GRIN2A: variants seen among roughly 807,000 people sequenced by gnomAD.
The protein encoded by GRIN2A is glutamate ionotropic receptor NMDA type subunit 2A, also known as glutamate receptor ionotropic, NMDA 2A.
GRIN2A carries 22 observed loss-of-function variants against 113.4 expected under a neutral mutation model. That is an observed-to-expected ratio of 0.19 (90% CI 0.14 to 0.28). GRIN2A has a LOEUF of 0.28. GRIN2A is among the 10% of genes least tolerant of loss of function. The pLI, the probability that GRIN2A is intolerant of heterozygous loss-of-function variation, is 1.00. For synonymous variants in GRIN2A, 827 were observed against 738.4 expected (o/e 1.12, Z -1.94); for missense variants, 1,502 against 1,887.0 (o/e 0.80, Z 3.78).
chr16:9,990,553 GCGCGCGCGCGCA>G (rs1343844045), intron 2 of GRIN2A, among the ~76,000 whole-genome samples: 34 of 104,172 alleles, frequency 3.3e-4, no homozygotes, highest in East Asian at 1.3e-3. Flanking sequence ...ACACGCGCGC[GCGCGCGCGCGCA>G]CACACACACA....
intron 10 of GRIN2A, among the ~76,000 whole-genome samples, chr16:9,801,582 A>T (rs1903364024): frequency 6.6e-6 from 1 of 152,254 alleles, no homozygotes; most frequent in African/African-American, 2.4e-5. Flanking sequence ...ACCATATTTC[A>T]TGACAGGTCT....
At chr16:9,829,324 G>C in intron 9 of GRIN2A, 99 bp downstream of exon 9, 1 of 764,006 alleles carries the variant, frequency 1.3e-6, no homozygotes, top group African/African-American at 1.7e-5. Flanking sequence ...GTGCATTCGA[G>C]TTGATGGATC....
chr16:9,881,103 G>A (rs1432616889), intron 4 of GRIN2A, among the ~76,000 whole-genome samples: 2 of 152,072 alleles, frequency 1.3e-5, no homozygotes, highest in African/African-American at 4.8e-5. Context: ...TCTGTTGATG[G>A]GACAAATTTT....
chr16:9,774,338 A>G (rs1288482815), intron 11 of GRIN2A, among the ~76,000 whole-genome samples: 1 of 152,218 alleles, frequency 6.6e-6, no homozygotes, highest in Non-Finnish European at 1.5e-5. Flanking sequence ...GATTTTGGGG[A>G]GCACATCCAG....
intron 11 of GRIN2A, among the ~76,000 whole-genome samples, chr16:9,790,324 G>A (rs1420614558): frequency 6.6e-6 from 1 of 152,176 alleles, no homozygotes; most frequent in Non-Finnish European, 1.5e-5. Flanking sequence ...CAGAGAACCT[G>A]GGTTTGAGCC....
chr16:9,994,913 T>C (rs1192959550), intron 2 of GRIN2A, among the ~76,000 whole-genome samples: 1 of 152,158 alleles, frequency 6.6e-6, no homozygotes, highest in African/African-American at 2.4e-5. Context: ...CATCTGGTTT[T>C]AAGGGTTAAC....
chr16:10,026,341 A>G (rs1169923594), intron 2 of GRIN2A, among the ~76,000 whole-genome samples: 1 of 152,090 alleles, frequency 6.6e-6, no homozygotes, highest in Non-Finnish European at 1.5e-5. Context: ...ATAAAATAAA[A>G]TGCTTGGTGC....
At chr16:9,841,142 C>T in intron 5 of GRIN2A, 38 bp from the exon 6 acceptor site, 2 of 1,541,106 alleles carry the variant, frequency 1.3e-6, no homozygotes, top group Non-Finnish European at 1.8e-6. Flanking sequence ...AATGTTAGCA[C>T]TGGAAGGTTT....
chr16:9,942,451 G>T lies in GRIN2A; in HGVS notation c.415-3900C>A, dbSNP rs59117637. Among the ~76,000 whole-genome samples, 1,406 of 152,276 alleles carry T rather than the reference G, an allele frequency of 9.2e-3. 18 individuals carry two copies. Among genetic ancestry groups the T allele is most frequent in the African/African-American group, 0.032 (1,341 of 41,564 alleles). On this transcript the variant is annotated intron_variant, in intron 2 of 12. Coordinates refer to ENST00000330684, the MANE Select transcript of GRIN2A (RefSeq NM_001134407.3). ...CCTGAGTTTCTTTACCTATAAGATAGGAATAATGACCCTTCCATCACATGG... is the reference window on the plus strand; with the variant it reads ...CCTGAGTTTCTTTACCTATAAGATATGAATAATGACCCTTCCATCACATGG...
chr16:10,138,971 C>A (rs557384054), intron 2 of GRIN2A, among the ~76,000 whole-genome samples: 1 of 152,274 alleles, frequency 6.6e-6, no homozygotes, highest in East Asian at 1.9e-4. Flanking sequence ...TATGGGAGTT[C>A]TCCAGTGGGG....
At chr16:9,928,826 C>T (rs17569226) in intron 3 of GRIN2A, among the ~76,000 whole-genome samples, 63,577 of 152,106 alleles carry the variant, frequency 0.42, 13,703 homozygotes, top group African/African-American at 0.44. Context: ...ACTTGACTTG[C>T]CATACTTTCT....
At chr16:9,803,848 A>C (rs2041913058) in intron 10 of GRIN2A, among the ~76,000 whole-genome samples, 1 of 152,220 alleles carries the variant, frequency 6.6e-6, no homozygotes, top group Admixed American at 6.5e-5. Flanking sequence ...TGCTATCCAT[A>C]AGACTTGTAG....
Position 9,758,046 on chromosome 16 carries a change from C to T in GRIN2A, c.*5103G>A, listed in dbSNP as rs372859506. ...CTTGGATCTAATCCTCGCTCTGATA[C>T]TCTCTAACTTGATGATCTTAAACAG... On this transcript the variant is annotated 3_prime_UTR_variant, in exon 13 of 13. Coordinates refer to ENST00000330684, the MANE Select transcript of GRIN2A (RefSeq NM_001134407.3). 2.3e-5 allele frequency: 5 copies of T among 213,252 alleles called. No homozygotes were observed. The East Asian group carries it at 3.5e-4, about 15-fold the overall frequency. The allele number at this position is 213,252 out of a possible 1,614,324, so 13.2% of individuals were successfully genotyped here.
rs145172949 is a variant in GRIN2A, at chr16:9,938,024, G to C, written c.942C>G (p.Pro314=). The C allele has an allele frequency of 1.2e-6, 2 of 1,614,030 alleles. No homozygotes were observed. The highest frequency in any genetic ancestry group is 1.7e-6 in the Non-Finnish European group (2 of 1,179,974). Residue 314 remains proline (P), a synonymous_variant, in exon 3 of 13, where the codon CCC becomes CCG. Transcript: ENST00000330684. ...GCCCGTAGCAGCTGGCCTTGGCCTC[G>C]GGGATGTAGGAGAACTTCTCCAGCA... ...SSMLEKFSYI[P]EAKASCYGQM... is the part of the protein sequence containing the mutation.
At chr16:9,772,547 A>G (rs1183234704) in intron 11 of GRIN2A, among the ~76,000 whole-genome samples, 2 of 152,042 alleles carry the variant, frequency 1.3e-5, no homozygotes, top group East Asian at 1.9e-4. Flanking sequence ...AATTTTTTGT[A>G]TTTTTAGTAG....
chr16:9,927,116 AT>A (rs2044483444), intron 3 of GRIN2A, among the ~76,000 whole-genome samples: 1 of 152,194 alleles, frequency 6.6e-6, no homozygotes, highest in Admixed American at 6.5e-5. Flanking sequence ...ATGATTTTTA[AT>A]TGACCTGCTG....
At chr16:9,783,665 A>G (rs955355579) in intron 11 of GRIN2A, among the ~76,000 whole-genome samples, 1 of 152,216 alleles carries the variant, frequency 6.6e-6, no homozygotes, top group African/African-American at 2.4e-5. Flanking sequence ...GCCCTGAGAG[A>G]AAGAGAATGA....
chr16:10,053,994 G>A (rs7200039), intron 2 of GRIN2A, among the ~76,000 whole-genome samples: 17,578 of 148,194 alleles, frequency 0.12, 1,225 homozygotes, highest in African/African-American at 0.19. Context: ...TAATGGCAAG[G>A]ACCACAAATA....
chr16:9,823,853 A>G (rs756239693), intron 9 of GRIN2A, among the ~76,000 whole-genome samples: 1 of 151,932 alleles, frequency 6.6e-6, no homozygotes, highest in Non-Finnish European at 1.5e-5. Flanking sequence ...ATTGCTATTG[A>G]CTCTCTCCTC....
Sources: allele counts gnomAD v4.1 joint callset (sites outside exome capture counted in the v4.1 genomes callset), GRCh38; gene constraint gnomAD v4.1.1; transcripts MANE v1.5; gene names NCBI Gene and HGNC (gene_info 2026-07-23, HGNC 2026-07-21).